Variants in ADAMTSL3 observed in about 807,000 individuals in gnomAD.
ADAMTSL3 encodes ADAMTS like 3.
A neutral mutation model predicts 201.7 loss-of-function variants in ADAMTSL3; 128 were observed. That is an observed-to-expected ratio of 0.63 (90% CI 0.55 to 0.73). The LOEUF (loss-of-function observed/expected upper bound fraction) is 0.73. ADAMTSL3 is among the 30% of genes least tolerant of loss of function. ADAMTSL3 has a pLI of 0.00. For synonymous variants in ADAMTSL3, 738 were observed against 748.4 expected (o/e 0.99, Z 0.23); for missense variants, 1,990 against 2,119.6 (o/e 0.94, Z 1.20).
chr15:83,834,986 G>A (rs1864699379), intron 6 of ADAMTSL3, among the ~76,000 whole-genome samples: 1 of 152,170 alleles, frequency 6.6e-6, no homozygotes, highest in African/African-American at 2.4e-5. Context: ...TGTAATCCCA[G>A]CACTTTGGGA....
At chr15:83,810,741 CTTTTAT>C (rs1301230989) in intron 5 of ADAMTSL3, among the ~76,000 whole-genome samples, 1 of 151,988 alleles carries the variant, frequency 6.6e-6, no homozygotes, top group Non-Finnish European at 1.5e-5. Context: ...TTTTCTTTTT[CTTTTAT>C]TTTTCTTTTG....
At chr15:84,014,754 G>A (rs752036055) in intron 24 of ADAMTSL3, 30 bp downstream of exon 24, 7 of 1,580,120 alleles carry the variant, frequency 4.4e-6, no homozygotes, top group Non-Finnish European at 3.4e-6. Context: ...TGCTCCTTAA[G>A]TGCCTCCTGT....
In ADAMTSL3 at chr15:83,913,372, G is replaced by A. The variant is rs4842838; in HGVS notation, c.1981G>A (p.Val661Met). The A allele has an allele frequency of 2.9e-5, 46 of 1,612,250 alleles. No homozygotes were observed. The highest frequency in any genetic ancestry group is 3.6e-5 in the Non-Finnish European group (42 of 1,179,706). The change falls in exon 16 of 30, where the codon GTG becomes ATG. Residue 661 changes from valine to methionine, a missense_variant. Val to Met is a conservative substitution (Grantham distance 21). Coordinates refer to ENST00000286744, the MANE Select transcript of ADAMTSL3 (RefSeq NM_207517.3). Reference sequence around the variant, plus strand: ...GTTCACCCCTTGCACAGCAACATGCGTGGGAGGTATTTGAACCTTTGCTTA... The same window carrying A: ...GTTCACCCCTTGCACAGCAACATGCATGGGAGGTATTTGAACCTTTGCTTA... The part of the protein sequence containing the change: ...AGFTPCTATC[V>M]GGHQEAIAVC...
In ADAMTSL3 at chr15:83,773,587, G is replaced by A. The variant is rs1251591035; in HGVS notation, c.254G>A (p.Ser85Asn). The stretch of plus-strand genomic sequence containing the variant: ...AACTGGGATGCTTGGGGCGACTGGA[G>A]TGACTGCTCCCGGACCTGTGGGGGA... ...DGNWDAWGDWSDCSRTCGGGA... is the reference protein window; with the variant it reads ...DGNWDAWGDWNDCSRTCGGGA... The change falls in exon 4 of 30, where the codon AGT becomes AAT. Residue 85 changes from serine (S) to asparagine (N), a missense_variant. Physicochemically the swap from Ser to Asn is conservative, Grantham distance 46 (BLOSUM62 1). Coordinates refer to ENST00000286744, the MANE Select transcript of ADAMTSL3 (RefSeq NM_207517.3). 2 of 1,614,054 alleles carry A rather than the reference G, an allele frequency of 1.2e-6. No homozygotes were observed. Among genetic ancestry groups the A allele is most frequent in the Admixed American group, 3.3e-5 (2 of 60,012 alleles).
At chr15:83,859,872 G>A (rs1301228261) in intron 8 of ADAMTSL3, among the ~76,000 whole-genome samples, 1 of 152,168 alleles carries the variant, frequency 6.6e-6, no homozygotes, top group Admixed American at 6.5e-5. Context: ...AACTATTTTT[G>A]TATAGGATGG....
At position 83,970,380 on chromosome 15, in the gene ADAMTSL3, G is replaced by A. The variant is rs911274906; in HGVS notation, c.2491-104G>A. The A allele has an allele frequency of 4.5e-5, 60 of 1,346,476 alleles. 1 individual carries two copies. Among genetic ancestry groups the A allele is most frequent in the African/African-American group, 5.8e-5 (4 of 69,484 alleles). The allele number at this position is 1,346,476 out of a possible 1,614,324, so 83.4% of individuals were successfully genotyped here. A position where few individuals can be genotyped will look rare whatever the true frequency, so the allele number is the denominator to read the frequency against. On this transcript the variant is annotated intron_variant, in intron 19 of 29. Coordinates refer to ENST00000286744, the MANE Select transcript of ADAMTSL3 (RefSeq NM_207517.3). Reference sequence around the variant, plus strand: ...AAATGGCTTTCTTCTTGGCACATCCGTACTGAAAATTTCCTCTTGTTTCAC... The same window carrying A: ...AAATGGCTTTCTTCTTGGCACATCCATACTGAAAATTTCCTCTTGTTTCAC...
chr15:83,707,219 T>A (rs1188976092), intron 3 of ADAMTSL3, among the ~76,000 whole-genome samples: 16 of 152,214 alleles, frequency 1.1e-4, no homozygotes, highest in Non-Finnish European at 1.5e-5. Context: ...AATTTTCTCA[T>A]CTATGAAATG....
At chr15:83,681,577 T>C (rs1389469815) in intron 2 of ADAMTSL3, among the ~76,000 whole-genome samples, 1 of 152,238 alleles carries the variant, frequency 6.6e-6, no homozygotes, top group Admixed American at 6.5e-5. Context: ...CCTAGACATA[T>C]CAATAGTTCT....
intron 23 of ADAMTSL3, among the ~76,000 whole-genome samples, chr15:83,998,730 GATCA>G (rs1269522118): frequency 6.6e-6 from 1 of 152,178 alleles, no homozygotes; most frequent in East Asian, 1.9e-4. Context: ...TCCCAGCCTT[GATCA>G]GGCCCCTTCT....
intron 2 of ADAMTSL3, among the ~76,000 whole-genome samples, chr15:83,702,025 G>A (rs1034212791): frequency 2.0e-5 from 3 of 152,176 alleles, no homozygotes; most frequent in Non-Finnish European, 4.4e-5. Flanking sequence ...GAATGAAAAG[G>A]TCCAGGCTGA....
intron 3 of ADAMTSL3, among the ~76,000 whole-genome samples, chr15:83,770,631 A>G (rs1003062550): frequency 2.0e-5 from 3 of 152,166 alleles, no homozygotes; most frequent in African/African-American, 7.2e-5. Context: ...TTCCTATACA[A>G]CTATTGGTGT....
intron 3 of ADAMTSL3, among the ~76,000 whole-genome samples, chr15:83,770,253 A>C (rs1294438477): frequency 6.6e-6 from 1 of 152,228 alleles, no homozygotes; most frequent in East Asian, 1.9e-4. Context: ...TTAAAATAGA[A>C]ATTTCAAAAA....
chr15:83,747,387 CTT>C (rs1201306291), intron 3 of ADAMTSL3, among the ~76,000 whole-genome samples: 1 of 152,188 alleles, frequency 6.6e-6, no homozygotes, highest in East Asian at 1.9e-4. Flanking sequence ...AGTGTCCCCA[CTT>C]TGGTCAGTTT....
chr15:83,817,249 T>C (rs564868075), intron 5 of ADAMTSL3, among the ~76,000 whole-genome samples: 1 of 152,334 alleles, frequency 6.6e-6, no homozygotes, highest in South Asian at 2.1e-4. Flanking sequence ...AAACGTGAAG[T>C]AGCAAAAAGA....
chr15:83,779,639 A>G (rs1181773922), intron 4 of ADAMTSL3, among the ~76,000 whole-genome samples: 2 of 144,032 alleles, frequency 1.4e-5, no homozygotes, highest in Non-Finnish European at 3.0e-5. Context: ...CAGAGCTTGC[A>G]GTGAGCCGAG....
chr15:84,027,327 A>G (rs2068327688), intron 27 of ADAMTSL3, among the ~76,000 whole-genome samples: 1 of 152,220 alleles, frequency 6.6e-6, no homozygotes, highest in Non-Finnish European at 1.5e-5. Flanking sequence ...GTTCCTCAAA[A>G]TGTTAGATTA....
At chr15:83,822,021 C>A (rs1224525411) in intron 6 of ADAMTSL3, among the ~76,000 whole-genome samples, 2 of 148,300 alleles carry the variant, frequency 1.3e-5, no homozygotes, top group South Asian at 4.3e-4. Context: ...ACCTCCCTCC[C>A]GGACGGGGTG....
At chr15:84,015,264 G>A (rs2068071404) in intron 24 of ADAMTSL3, among the ~76,000 whole-genome samples, 1 of 152,048 alleles carries the variant, frequency 6.6e-6, no homozygotes, top group Non-Finnish European at 1.5e-5. Flanking sequence ...GTTAAGTAAT[G>A]GTTTCATGAA....
At chr15:83,842,998 G>A (rs1231930837) in intron 7 of ADAMTSL3, among the ~76,000 whole-genome samples, 3 of 152,182 alleles carry the variant, frequency 2.0e-5, no homozygotes, top group East Asian at 3.9e-4. Flanking sequence ...AGTCTTATTT[G>A]GAGAAGTGTG....
Sources: gnomAD v4.1 joint callset for allele counts (sites outside exome capture counted in the v4.1 genomes callset) on GRCh38, gnomAD v4.1.1 for gene constraint, MANE v1.5 for transcripts, NCBI Gene and HGNC (gene_info 2026-07-23, HGNC 2026-07-21) for gene names.